Variants in SLC44A5 observed in about 807,000 individuals in gnomAD.
SLC44A5 encodes choline transporter-like protein 5.
SLC44A5 carries 57 observed loss-of-function variants against 101.8 expected under a neutral mutation model. That is an observed-to-expected ratio of 0.56 (90% CI 0.45 to 0.70). SLC44A5 has a LOEUF of 0.70. Among genes scored for constraint, SLC44A5 ranks in the 30% least tolerant of loss-of-function variants. The pLI, the probability that SLC44A5 is intolerant of heterozygous loss-of-function variation, is 0.00. For missense variants in SLC44A5, 737 were observed against 853.1 expected (o/e 0.86, Z 1.70); for synonymous variants, 281 against 290.9 (o/e 0.97, Z 0.35).
At chr1:75,552,758 A>G (rs1672009598) in intron 1 of SLC44A5, among the ~76,000 whole-genome samples, 3 of 152,042 alleles carry the variant, frequency 2.0e-5, no homozygotes, top group African/African-American at 7.2e-5. Context: ...GACACTCTTC[A>G]ACACTGATTA....
At chr1:75,633,947 T>A in the SLC44A5 span, among the ~76,000 whole-genome samples, 1 of 140,096 alleles carries the variant, frequency 7.1e-6, no homozygotes, top group Admixed American at 7.1e-5. Context: ...TTGAATTTTG[T>A]CAAAGGCCTT....
At chr1:75,465,963 T>C (rs929604199) in intron 2 of SLC44A5, among the ~76,000 whole-genome samples, 3 of 152,180 alleles carry the variant, frequency 2.0e-5, no homozygotes, top group African/African-American at 7.2e-5. Context: ...GAAAAGCTAA[T>C]ATCGATTTTC....
chr1:75,400,093 A>G (rs975647178), intron 2 of SLC44A5, among the ~76,000 whole-genome samples: 1 of 152,240 alleles, frequency 6.6e-6, no homozygotes, highest in Non-Finnish European at 1.5e-5. Context: ...CCGAAAATCA[A>G]GCACCACATT....
At chr1:75,287,918 T>C (rs1011955666) in intron 5 of SLC44A5, among the ~76,000 whole-genome samples, 21 of 152,156 alleles carry the variant, frequency 1.4e-4, no homozygotes, top group African/African-American at 5.1e-4. Context: ...TTATTTTGTG[T>C]TGGCCTCCAG....
At chr1:75,473,018 C>G (rs1285779679) in intron 2 of SLC44A5, among the ~76,000 whole-genome samples, 5 of 152,174 alleles carry the variant, frequency 3.3e-5, no homozygotes, top group African/African-American at 1.2e-4. Context: ...TGCTAGTATT[C>G]CTAGTCCTCG....
chr1:75,234,194 C>A (rs572364971), intron 11 of SLC44A5, 96 bp from the exon 12 acceptor site: 13 of 772,934 alleles, frequency 1.7e-5, no homozygotes, highest in Admixed American at 5.2e-5. Flanking sequence ...CAAAATTATT[C>A]TTAAATTCTT....
At chr1:75,684,148 C>A in the SLC44A5 span, among the ~76,000 whole-genome samples, 3 of 152,256 alleles carry the variant, frequency 2.0e-5, no homozygotes, top group Middle Eastern at 3.4e-3. Flanking sequence ...ACCATCAGAT[C>A]TCCTGAGACT....
At chr1:75,610,384 T>C (rs766243013) in intron 1 of SLC44A5, among the ~76,000 whole-genome samples, 1 of 152,156 alleles carries the variant, frequency 6.6e-6, no homozygotes, top group Non-Finnish European at 1.5e-5. Context: ...GTATCTTCTC[T>C]TACTATTCAT....
At chr1:75,694,023 A>G in the SLC44A5 span, among the ~76,000 whole-genome samples, 1 of 151,552 alleles carries the variant, frequency 6.6e-6, no homozygotes, top group Non-Finnish European at 1.5e-5. Flanking sequence ...ATGAAATGGG[A>G]TGATAGTTAG....
At chr1:75,264,404 GACA>G (rs1461985982) in intron 6 of SLC44A5, among the ~76,000 whole-genome samples, 1 of 152,138 alleles carries the variant, frequency 6.6e-6, no homozygotes, top group Non-Finnish European at 1.5e-5. Context: ...GCCACTCAAG[GACA>G]ACTTGTGTGA....
At chr1:75,275,110 A>G in intron 5 of SLC44A5, 68 bp from the exon 6 acceptor site, 1 of 1,168,454 alleles carries the variant, frequency 8.6e-7, no homozygotes, top group Non-Finnish European at 1.3e-6. Context: ...GATTTGAGAT[A>G]TTAGAATGCA....
chr1:75,532,837 C>T (rs929067345), intron 2 of SLC44A5, among the ~76,000 whole-genome samples: 17 of 151,808 alleles, frequency 1.1e-4, no homozygotes, highest in African/African-American at 3.6e-4. Flanking sequence ...CTCAAGAGTT[C>T]GAGACAAGCC....
chr1:75,461,934 T>A (rs1049667040), intron 2 of SLC44A5, among the ~76,000 whole-genome samples: 3 of 152,228 alleles, frequency 2.0e-5, no homozygotes, highest in African/African-American at 7.2e-5. Flanking sequence ...ACAACACCTA[T>A]GGACCCTCCT....
intron 2 of SLC44A5, among the ~76,000 whole-genome samples, chr1:75,440,726 G>C (rs1035431975): frequency 6.6e-6 from 1 of 152,070 alleles, no homozygotes. Flanking sequence ...CCATGTACAA[G>C]GGTGGTAGTG....
intron 2 of SLC44A5, among the ~76,000 whole-genome samples, chr1:75,463,668 G>A (rs1427326277): frequency 1.3e-5 from 2 of 152,058 alleles, no homozygotes; most frequent in African/African-American, 2.4e-5. Flanking sequence ...AAAAGCTGAG[G>A]GATTTCATCA....
chr1:75,397,855 A>G (rs114771206), intron 2 of SLC44A5, among the ~76,000 whole-genome samples: 205 of 152,202 alleles, frequency 1.3e-3, no homozygotes, highest in African/African-American at 4.5e-3. Flanking sequence ...AATAAAGATT[A>G]CTCATAACAT....
rs553418310 is a variant in SLC44A5, at chr1:75,497,363, T to A, written c.13+44072A>T. Among the ~76,000 whole-genome samples the A allele has an allele frequency of 5.3e-5, 8 of 152,246 alleles. No individual in the cohort carries two copies. In the East Asian group the frequency reaches 1.5e-3, roughly 29 times the overall value. ...GTAAATGAAGTTGGAGGACATCATGTTAAGTGAAATAAATCAGACACACAA... is the reference window on the plus strand; with the variant it reads ...GTAAATGAAGTTGGAGGACATCATGATAAGTGAAATAAATCAGACACACAA... On this transcript the variant is annotated intron_variant, in intron 2 of 23. Coordinates refer to ENST00000370859, the MANE Select transcript of SLC44A5 (RefSeq NM_001130058.2).
At chr1:75,326,659 G>T (rs1397799834) in intron 4 of SLC44A5, among the ~76,000 whole-genome samples, 1 of 152,148 alleles carries the variant, frequency 6.6e-6, no homozygotes. Flanking sequence ...TACAAGCATT[G>T]TATTATGTAC....
At chr1:75,366,611 C>T (rs887940871) in intron 3 of SLC44A5, among the ~76,000 whole-genome samples, 2 of 151,968 alleles carry the variant, frequency 1.3e-5, no homozygotes, top group Admixed American at 1.3e-4. Context: ...TTTAAACAAG[C>T]TTCCTTCCCT....
Sources: gnomAD v4.1 joint callset for allele counts (sites outside exome capture counted in the v4.1 genomes callset) on GRCh38, gnomAD v4.1.1 for gene constraint, MANE v1.5 for transcripts, NCBI Gene and HGNC (gene_info 2026-07-23, HGNC 2026-07-21) for gene names.